The following CFAP221 variants were observed in gnomAD, a reference collection of about 807,000 sequenced individuals.
CFAP221 encodes the protein cilia and flagella associated protein 221, also known as cilia- and flagella-associated protein 221.
In CFAP221, 97 loss-of-function variants were observed where a neutral mutation model predicts 113.1. The observed-to-expected ratio is 0.86, with a 90% CI of 0.73 to 1.02. The LOEUF is 1.02. CFAP221 is among the 50% of genes least tolerant of loss of function. The pLI is 0.00. For synonymous variants in CFAP221, 331 were observed against 354.4 expected (o/e 0.93, Z 0.74); for missense variants, 1,025 against 1,013.4 (o/e 1.01, Z -0.16).
At chr2:119,610,248 A>G (rs901260326) in intron 12 of CFAP221, among the ~76,000 whole-genome samples, 1 of 152,122 alleles carries the variant, frequency 6.6e-6, no homozygotes, top group Non-Finnish European at 1.5e-5. Flanking sequence ...GCCCTGGAAT[A>G]TGGGAGATCA....
chr2:119,601,462 G>A, intron 8 of CFAP221, 85 bp downstream of exon 8: 2 of 1,221,118 alleles, frequency 1.6e-6, no homozygotes, highest in Non-Finnish European at 2.2e-6. Flanking sequence ...TGTCTTTCTT[G>A]TAAAAGAATG....
intron 7 of CFAP221, among the ~76,000 whole-genome samples, chr2:119,598,314 A>G (rs141484384): frequency 6.6e-6 from 1 of 152,334 alleles, no homozygotes; most frequent in African/African-American, 2.4e-5. Flanking sequence ...CACATGCTTT[A>G]TATAATTGTA....
rs115394433 is a variant in CFAP221, at chr2:119,637,730, A to G, written c.1975-529A>G. On this transcript the variant is annotated intron_variant, in intron 19 of 23. Transcript: ENST00000413369. ...AAAAAACAGGATCTCCCTTAAAACC[A>G]GATACTACTTCCAAATGGAGCCTTC... Among the ~76,000 whole-genome samples, 1,437 of 152,354 alleles carry G rather than the reference A, an allele frequency of 9.4e-3. 25 individuals carry two copies. The highest frequency in any genetic ancestry group is 0.033 in the African/African-American group (1,364 of 41,578).
At chr2:119,550,376 A>G (rs983640450) in intron 3 of CFAP221, among the ~76,000 whole-genome samples, 4 of 152,234 alleles carry the variant, frequency 2.6e-5, no homozygotes, top group Admixed American at 2.0e-4. Flanking sequence ...AGGAGAACAC[A>G]GTTTCCATGA....
intron 6 of CFAP221, among the ~76,000 whole-genome samples, chr2:119,565,084 A>T (rs372992435): frequency 6.6e-6 from 1 of 152,154 alleles, no homozygotes; most frequent in South Asian, 2.1e-4. Flanking sequence ...TGACTTTTAC[A>T]TTCTTAGCCC....
chr2:119,605,352 TATAAATGAG>T, intron 11 of CFAP221, 63 bp downstream of exon 11: 1 of 1,285,016 alleles, frequency 7.8e-7, no homozygotes, highest in Non-Finnish European at 1.1e-6. Context: ...GATGATCTTT[TATAAATGAG>T]AGACAGTAAA....
At chr2:119,609,785 G>A (rs1468363084) in intron 12 of CFAP221, among the ~76,000 whole-genome samples, 1 of 152,228 alleles carries the variant, frequency 6.6e-6, no homozygotes. Flanking sequence ...CTTGGCAGCA[G>A]TGGATGGGTG....
chr2:119,653,731 A>G lies in CFAP221; in HGVS notation c.2414+1662A>G, dbSNP rs544834635. Among the ~76,000 whole-genome samples the G allele has an allele frequency of 1.4e-4, 21 of 152,298 alleles. No individual in the cohort carries two copies. In the South Asian group the frequency reaches 1.7e-3, roughly 12 times the overall value. On this transcript the variant is annotated intron_variant, in intron 23 of 23. Coordinates refer to ENST00000413369, the MANE Select transcript of CFAP221 (RefSeq NM_001271049.2). Reference sequence around the variant, plus strand: ...TATATATTGCTTAATGACCATCCAGATAGTGTGTTACCATCTCTCCTACTG... The same window carrying G: ...TATATATTGCTTAATGACCATCCAGGTAGTGTGTTACCATCTCTCCTACTG...
chr2:119,631,137 T>A (rs1401736895), intron 19 of CFAP221: 1 of 1,105,758 alleles, frequency 9.0e-7, no homozygotes, highest in Non-Finnish European at 1.2e-6. Context: ...TTTCTAAATA[T>A]CTATAATATG....
At chr2:119,545,478 C>T (rs1346230069) in intron 1 of CFAP221, among the ~76,000 whole-genome samples, 2 of 152,102 alleles carry the variant, frequency 1.3e-5, no homozygotes, top group East Asian at 1.9e-4. Flanking sequence ...ACACAGGGTT[C>T]GACATGAATC....
At chr2:119,611,006 G>A (rs1454150817) in intron 12 of CFAP221, among the ~76,000 whole-genome samples, 1 of 152,076 alleles carries the variant, frequency 6.6e-6, no homozygotes, top group Non-Finnish European at 1.5e-5. Flanking sequence ...GCAGGCAGGT[G>A]AAGGAAGGAG....
intron 6 of CFAP221, chr2:119,586,680 G>A (rs1180972697): frequency 6.5e-6 from 1 of 153,054 alleles, no homozygotes; most frequent in Non-Finnish European, 1.5e-5. Context: ...CATCTATTTG[G>A]CCTTTCCTTG....
At chr2:119,599,241 T>C (rs918216534) in intron 7 of CFAP221, among the ~76,000 whole-genome samples, 1 of 152,214 alleles carries the variant, frequency 6.6e-6, no homozygotes, top group African/African-American at 2.4e-5. Flanking sequence ...GGGGCTGGTG[T>C]CTGCCTTATG....
intron 6 of CFAP221, among the ~76,000 whole-genome samples, chr2:119,566,608 T>C (rs1464337469): frequency 6.6e-6 from 1 of 152,240 alleles, no homozygotes; most frequent in Non-Finnish European, 1.5e-5. Flanking sequence ...CATTCCTTTC[T>C]GCAGGGGCAG....
chr2:119,656,286 C>G, intron 23 of CFAP221, 76 bp from the exon 24 acceptor site: 1 of 1,139,526 alleles, frequency 8.8e-7, no homozygotes. Flanking sequence ...CCTTCACCAG[C>G]ACTGCTGGCG....
chr2:119,611,577 T>TTTC, intron 12 of CFAP221, 76 bp from the exon 13 acceptor site: 1 of 1,358,324 alleles, frequency 7.4e-7, no homozygotes, highest in Middle Eastern at 1.8e-4. Context: ...GCTTAATGGG[T>TTTC]TTCTACAAGT....
chr2:119,593,406 G>A (rs1683731144), intron 7 of CFAP221, among the ~76,000 whole-genome samples: 1 of 152,210 alleles, frequency 6.6e-6, no homozygotes, highest in Non-Finnish European at 1.5e-5. Flanking sequence ...AGGATGTACA[G>A]GAAGCATGGT....
chr2:119,568,035 T>C (rs958480075), intron 6 of CFAP221, among the ~76,000 whole-genome samples: 2 of 152,074 alleles, frequency 1.3e-5, no homozygotes, highest in African/African-American at 2.4e-5. Context: ...ACTGTACTGC[T>C]TCACAGATAG....
rs933719536 is a variant in CFAP221 at position 119,558,839 on chromosome 2, A to C, written c.241-850A>C. 4.6e-5 allele frequency among the ~76,000 whole-genome samples: 7 copies of C among 151,982 alleles called. No homozygotes were observed. In the South Asian group the frequency reaches 6.2e-4, roughly 14 times the overall value. On this transcript the variant is annotated intron_variant, in intron 3 of 23. Transcript: ENST00000413369. Reference sequence around the variant, plus strand: ...CCTGTCTCAAAAATAAAAAACAAAAAACCAACAACAACAACAAAAAAACAC... The same window carrying C: ...CCTGTCTCAAAAATAAAAAACAAAACACCAACAACAACAACAAAAAAACAC...
Sources: allele counts gnomAD v4.1 joint callset (sites outside exome capture counted in the v4.1 genomes callset), GRCh38; gene constraint gnomAD v4.1.1; transcripts MANE v1.5; gene names NCBI Gene and HGNC (gene_info 2026-07-23, HGNC 2026-07-21).